ORAI2: variants seen among roughly 807,000 people sequenced by gnomAD.
ORAI2 encodes the protein protein orai-2.
ORAI2 carries 10 observed loss-of-function variants against 16.2 expected under a neutral mutation model. The ratio of observed to expected loss-of-function variants is 0.62; its 90% CI spans 0.38 to 1.04. The LOEUF is 1.04. Among genes scored for constraint, ORAI2 ranks in the 50% least tolerant of loss-of-function variants. The pLI, the probability that ORAI2 is intolerant of heterozygous loss-of-function variation, is 0.01. For missense variants in ORAI2, 238 were observed against 355.5 expected (o/e 0.67, Z 2.66); for synonymous variants, 150 against 157.5 (o/e 0.95, Z 0.35).
intron 2 of ORAI2, among the ~76,000 whole-genome samples, chr7:102,436,586 G>A (rs942864299): frequency 1.8e-4 from 27 of 152,022 alleles, no homozygotes; most frequent in African/African-American, 5.8e-4. Context: ...CACTCCACCC[G>A]TCCACCCCAG....
At chr7:102,438,486 C>T (rs181039633) in intron 2 of ORAI2, among the ~76,000 whole-genome samples, 2 of 151,828 alleles carry the variant, frequency 1.3e-5, no homozygotes, top group African/African-American at 4.8e-5. Flanking sequence ...AACTTTAGGT[C>T]CTGGAAGGCT....
intron 1 of ORAI2, among the ~76,000 whole-genome samples, chr7:102,434,092 G>A (rs563156946): frequency 1.7e-5 from 2 of 116,954 alleles, no homozygotes; most frequent in Non-Finnish European, 3.3e-5. Context: ...TATTCTACAA[G>A]ACCTGTTTTC....
rs778373842 is a variant in ORAI2, at chr7:102,455,676, C to CGACCT, written c.*8628_*8632dup. On this transcript the variant is annotated 3_prime_UTR_variant, in exon 4 of 4. Transcript: ENST00000495936. ...GTGCAGTGAGGATCAGCTGGAGCTC[C>CGACCT]GACCTGACTCACATCTGGATGCGCA... is the stretch of plus-strand genomic sequence containing the variant. The CGACCT allele has an allele frequency of 6.6e-6, 1 of 152,320 alleles. No individual in the cohort carries two copies. The highest frequency in any genetic ancestry group is 1.9e-4 in the East Asian group (1 of 5,196). 9.4% of individuals were successfully genotyped at this position (152,320 alleles called of 1,614,324 possible).
chr7:102,440,019 G>A (rs373476191), intron 3 of ORAI2, among the ~76,000 whole-genome samples: 1 of 152,140 alleles, frequency 6.6e-6, no homozygotes, highest in Non-Finnish European at 1.5e-5. Flanking sequence ...GAGGCCGGAG[G>A]TTGCAGTGAG....
chr7:102,435,096 C>G (rs1797028429), intron 1 of ORAI2, among the ~76,000 whole-genome samples: 1 of 152,136 alleles, frequency 6.6e-6, no homozygotes. Flanking sequence ...ATAGCAAAAC[C>G]CTGTCTCTAC....
intron 2 of ORAI2, among the ~76,000 whole-genome samples, chr7:102,438,263 G>T (rs1020679181): frequency 1.3e-5 from 2 of 148,774 alleles, no homozygotes; most frequent in Admixed American, 6.7e-5. Flanking sequence ...CAGGAGAATC[G>T]CTTGAAGCCG....
At chr7:102,441,134 C>A (rs1208526401) in intron 3 of ORAI2, among the ~76,000 whole-genome samples, 1 of 149,172 alleles carries the variant, frequency 6.7e-6, no homozygotes, top group Non-Finnish European at 1.5e-5. Flanking sequence ...CTCAGGTGAT[C>A]CGCCACCCTC....
At chr7:102,438,922 C>A in intron 2 of ORAI2, 22 bp from the exon 3 acceptor site, 1 of 1,606,144 alleles carries the variant, frequency 6.2e-7, no homozygotes, top group Non-Finnish European at 8.5e-7. Context: ...GATGTCTGAG[C>A]ATGTCTCTCT....
intron 3 of ORAI2, among the ~76,000 whole-genome samples, chr7:102,444,274 G>A (rs1044611320): frequency 1.3e-5 from 2 of 149,922 alleles, no homozygotes; most frequent in Admixed American, 6.7e-5. Context: ...TTTTTTTGTG[G>A]CAGGGTCTCA....
At chr7:102,444,103 ATTATT>A (rs1410744796) in intron 3 of ORAI2, among the ~76,000 whole-genome samples, 5 of 152,046 alleles carry the variant, frequency 3.3e-5, no homozygotes, top group African/African-American at 9.7e-5. Flanking sequence ...CTTCATATAT[ATTATT>A]TTATTTTATC....
intron 2 of ORAI2, among the ~76,000 whole-genome samples, chr7:102,437,146 A>C (rs62483800): frequency 0.2 from 30,415 of 152,172 alleles, 3,863 homozygotes; most frequent in East Asian, 0.35. Context: ...TAGTCAAACC[A>C]GATGTTTACC....
In ORAI2 at chr7:102,455,496, C is replaced by G. The variant is rs941466789; in HGVS notation, c.*8444C>G. 2 of 152,356 alleles carry G rather than the reference C, an allele frequency of 1.3e-5. No homozygotes were observed. Among genetic ancestry groups the G allele is most frequent in the African/African-American group, 2.4e-5 (1 of 41,460 alleles). The allele number at this position is 152,356 out of a possible 1,614,324, so 9.4% of individuals were successfully genotyped here. ...GGGAGATTTCTTTGCTCCACAGCAT[C>G]CCCAAGCCTCACGAGGCCTCTCCCC... is the stretch of plus-strand genomic sequence containing the variant. On this transcript the variant is annotated 3_prime_UTR_variant, in exon 4 of 4. Coordinates refer to ENST00000495936, the MANE Select transcript of ORAI2 (RefSeq NM_001126340.3).
At chr7:102,440,171 C>T (rs556030193) in intron 3 of ORAI2, among the ~76,000 whole-genome samples, 126 of 152,246 alleles carry the variant, frequency 8.3e-4, no homozygotes, top group African/African-American at 2.9e-3. Flanking sequence ...CATGTCTGCC[C>T]CGTCTCAGGC....
chr7:102,443,089 T>TTTCTTCTTCTTCTTC (rs368278302), intron 3 of ORAI2, among the ~76,000 whole-genome samples: 90 of 125,662 alleles, frequency 7.2e-4, no homozygotes, highest in African/African-American at 2.6e-3. Flanking sequence ...TGCCTTCTCT[T>TTTCTTCTTCTTCTTC]TTCTTCTTCT....
At position 102,447,283 on chromosome 7, in the gene ORAI2, TC is replaced by T. The variant is rs977507432; in HGVS notation, c.*232del. 3 of 560,920 alleles carry T rather than the reference TC, an allele frequency of 5.3e-6. No homozygotes were observed. In the Admixed American group the frequency reaches 1.1e-4, roughly 20 times the overall value. 34.7% of individuals were successfully genotyped at this position (560,920 alleles called of 1,614,324 possible). Reference sequence around the variant, plus strand: ...GCAAAGCCAGGCTGGTTCCTTGGCCTCGGGGTTTCCTGGGTCGGGGACACGG... The same window carrying T: ...GCAAAGCCAGGCTGGTTCCTTGGCCTGGGGTTTCCTGGGTCGGGGACACGG... On this transcript the variant is annotated 3_prime_UTR_variant, in exon 4 of 4. Transcript: ENST00000495936.
Position 102,446,944 on chromosome 7 carries a change from C to T in ORAI2, c.657C>T (p.Tyr219=). The T allele has an allele frequency of 1.9e-6, 3 of 1,612,436 alleles. No homozygotes were observed. The highest frequency in any genetic ancestry group is 1.6e-4 in the Middle Eastern group (1 of 6,062). Residue 219 remains tyrosine, a synonymous_variant, in exon 4 of 4, where the codon TAC becomes TAT. Coordinates refer to ENST00000495936, the MANE Select transcript of ORAI2 (RefSeq NM_001126340.3). ...TCGTGGTCTTCACCATCCACTTCTA[C>T]CGCTCCCTGGTGCGCCACAAAACGG... ...LIFVVFTIHF[Y]RSLVRHKTER... is the part of the protein sequence containing the mutation.
rs1455702685 is a variant in ORAI2 at position 102,454,641 on chromosome 7, C to T, written c.*7589C>T. 1.3e-5 allele frequency: 2 copies of T among 152,432 alleles called. No individual in the cohort carries two copies. Among genetic ancestry groups the T allele is most frequent in the Admixed American group, 6.5e-5 (1 of 15,284 alleles). The allele number at this position is 152,432 out of a possible 1,614,324, so 9.4% of individuals were successfully genotyped here. A position where few individuals can be genotyped will look rare whatever the true frequency, so the allele number is the denominator to read the frequency against. ...GGCTGAGGGATGTCAGCTGAGCCCC[C>T]GCTGGGCCTGCTCTGGAGCGGGATG... On this transcript the variant is annotated 3_prime_UTR_variant, in exon 4 of 4. Coordinates refer to ENST00000495936, the MANE Select transcript of ORAI2 (RefSeq NM_001126340.3).
At chr7:102,445,657 C>T (rs1797332460) in intron 3 of ORAI2, among the ~76,000 whole-genome samples, 1 of 151,890 alleles carries the variant, frequency 6.6e-6, no homozygotes, top group Non-Finnish European at 1.5e-5. Context: ...CTTCTGTCCC[C>T]CAGGCTGGAG....
chr7:102,440,523 G>C (rs1797169848), intron 3 of ORAI2, among the ~76,000 whole-genome samples: 1 of 152,072 alleles, frequency 6.6e-6, no homozygotes. Flanking sequence ...GGGTGGAAGT[G>C]ATTTATTTGT....
Sources: allele counts gnomAD v4.1 joint callset (sites outside exome capture counted in the v4.1 genomes callset), GRCh38; gene constraint gnomAD v4.1.1; transcripts MANE v1.5; gene names NCBI Gene and HGNC (gene_info 2026-07-23, HGNC 2026-07-21).